The following PDS5A variants were observed in gnomAD, a reference collection of about 807,000 sequenced individuals.
The protein encoded by PDS5A is PDS5 cohesin associated factor A.
In PDS5A, 42 loss-of-function variants were observed where a neutral mutation model predicts 167.1. The ratio of observed to expected loss-of-function variants is 0.25; its 90% CI spans 0.20 to 0.33. PDS5A has a LOEUF of 0.33. PDS5A is among the 10% of genes least tolerant of loss of function. The pLI, the probability that PDS5A is intolerant of heterozygous loss-of-function variation, is 1.00. For synonymous variants in PDS5A, 553 were observed against 554.6 expected, an observed-to-expected ratio of 1.00 and a Z score of 0.04; for missense variants, 1,033 against 1,605.9, an observed-to-expected ratio of 0.64 and a Z score of 6.10.
At chr4:39,922,788 G>A in intron 5 of PDS5A, 40 bp from the exon 6 acceptor site, 2 of 1,366,968 alleles carry the variant, frequency 1.5e-6, no homozygotes, top group African/African-American at 1.5e-5. Flanking sequence ...GTAGGAGGAG[G>A]AAAAGAAGAG....
chr4:39,893,857 C>A (rs2080473998), intron 16 of PDS5A, among the ~76,000 whole-genome samples: 1 of 152,222 alleles, frequency 6.6e-6, no homozygotes, highest in African/African-American at 2.4e-5. Context: ...CTTACCACTG[C>A]AAGTGCAGTA....
At chr4:39,935,115 G>A (rs1028697217) in intron 2 of PDS5A, among the ~76,000 whole-genome samples, 4 of 152,090 alleles carry the variant, frequency 2.6e-5, no homozygotes, top group East Asian at 1.9e-4. Flanking sequence ...GATTTTCTCC[G>A]CTGTGGTATT....
chr4:39,837,944 C>T lies in PDS5A; in HGVS notation c.3922G>A (p.Gly1308Ser), dbSNP rs755186328. The T allele has an allele frequency of 1.2e-6, 2 of 1,613,962 alleles. No individual in the cohort carries two copies. Among genetic ancestry groups the T allele is most frequent in the South Asian group, 1.1e-5 (1 of 91,078 alleles). Residue 1308 changes from glycine to serine, a missense_variant, in exon 32 of 33, where the codon GGT becomes AGT. Around this residue, in one of 4 missense-constraint regions of PDS5A, gnomAD observed 233 missense variants for 264.0 expected, o/e 0.88. Transcript: ENST00000303538. ...GCTTTGGCATTACCTGCTTCCAAAC[C>T]CCCAGGGCTCTCCTGACCCACTGCA... The part of the protein sequence containing the change: ...RAAVGQESPG[G>S]LEAGNAKAPK...
intron 30 of PDS5A, among the ~76,000 whole-genome samples, chr4:39,843,037 G>C (rs1048912172): frequency 1.3e-5 from 2 of 149,390 alleles, no homozygotes; most frequent in Non-Finnish European, 3.0e-5. Flanking sequence ...TCCGCCTCCT[G>C]AGCTCCCAAG....
intron 11 of PDS5A, among the ~76,000 whole-genome samples, chr4:39,907,403 G>C (rs1341440210): frequency 1.3e-5 from 2 of 152,110 alleles, no homozygotes; most frequent in South Asian, 4.2e-4. Flanking sequence ...ATTTGCAGAC[G>C]AAAGTAATTT....
intron 2 of PDS5A, among the ~76,000 whole-genome samples, chr4:39,970,129 C>T (rs375008925): frequency 2.6e-5 from 4 of 151,912 alleles, no homozygotes; most frequent in Admixed American, 6.5e-5. Context: ...GGATTACAGG[C>T]GTGAGCCACC....
intron 21 of PDS5A, among the ~76,000 whole-genome samples, chr4:39,870,057 T>A (rs903348302): frequency 6.6e-6 from 1 of 151,902 alleles, no homozygotes; most frequent in African/African-American, 2.4e-5. Context: ...TGCAGTGAGC[T>A]GACATTGCGC....
At chr4:39,939,652 G>A (rs1727034359) in intron 2 of PDS5A, among the ~76,000 whole-genome samples, 2 of 151,968 alleles carry the variant, frequency 1.3e-5, no homozygotes, top group Non-Finnish European at 2.9e-5. Flanking sequence ...CAATTAGTCA[G>A]GCATGGTGGC....
At chr4:39,930,247 G>GA (rs1725914090) in intron 2 of PDS5A, among the ~76,000 whole-genome samples, 2 of 61,948 alleles carry the variant, frequency 3.2e-5, no homozygotes, top group African/African-American at 1.1e-4. Flanking sequence ...AAAAAAAAAA[G>GA]TTTTTTTGTT....
chr4:39,927,346 G>A (rs1385334831), intron 3 of PDS5A, among the ~76,000 whole-genome samples: 1 of 152,106 alleles, frequency 6.6e-6, no homozygotes, highest in African/African-American at 2.4e-5. Context: ...GATTCATGAT[G>A]GTAGTCTTTC....
chr4:39,951,844 G>A (rs12640846), intron 2 of PDS5A, among the ~76,000 whole-genome samples: 52,027 of 146,354 alleles, frequency 0.36, 9,350 homozygotes, highest in Middle Eastern at 0.45. Flanking sequence ...AGGTTACAGT[G>A]AGCCAAGATC....
chr4:39,887,946 A>G (rs987020940), intron 17 of PDS5A, among the ~76,000 whole-genome samples: 4 of 152,324 alleles, frequency 2.6e-5, no homozygotes, highest in South Asian at 2.1e-4. Flanking sequence ...ATACAAAAAA[A>G]TCCAATTTAA....
At chr4:39,846,813 G>A (rs1717646761) in intron 28 of PDS5A, 1 of 152,162 alleles carries the variant, frequency 6.6e-6, no homozygotes, top group African/African-American at 2.4e-5. Flanking sequence ...CTTCACAGAA[G>A]TAGGAAAGAA....
intron 6 of PDS5A, among the ~76,000 whole-genome samples, chr4:39,922,228 GA>G (rs1190036027): frequency 6.6e-6 from 1 of 152,130 alleles, no homozygotes; most frequent in Admixed American, 6.5e-5. Flanking sequence ...GAGTACCTAA[GA>G]AAAAGGTACG....
rs1260073864 is a variant in PDS5A at position 39,908,469 on chromosome 4, C to G, written c.1159G>C (p.Ala387Pro). 6.2e-7 allele frequency: 1 copy of G among 1,603,768 alleles called. No individual in the cohort carries two copies. Among genetic ancestry groups the G allele is most frequent in the Non-Finnish European group, 8.5e-7 (1 of 1,170,674 alleles). ...RHDVIVTIIT[A>P]AKRDLALVND... Reference sequence around the variant, plus strand: ...ACTAAGGCCAGGTCCCTCTTGGCAGCTGTTATTATAGTAACAATGACATCA... The same window carrying G: ...ACTAAGGCCAGGTCCCTCTTGGCAGGTGTTATTATAGTAACAATGACATCA... Residue 387 changes from alanine (A) to proline (P), a missense_variant, in exon 11 of 33, where the codon GCT becomes CCT. Coordinates refer to ENST00000303538, the MANE Select transcript of PDS5A (RefSeq NM_001100399.2).
chr4:39,839,964 C>T (rs372592342), intron 31 of PDS5A, among the ~76,000 whole-genome samples: 2 of 150,890 alleles, frequency 1.3e-5, no homozygotes, highest in East Asian at 2.0e-4. Context: ...CATGGTGGTG[C>T]GTGCCTGTAA....
intron 2 of PDS5A, among the ~76,000 whole-genome samples, chr4:39,949,798 C>G (rs746057466): frequency 2.4e-4 from 22 of 90,940 alleles, no homozygotes; most frequent in Non-Finnish European, 4.2e-4. Flanking sequence ...CCAGCCAGGG[C>G]GACAGAATAA....
intron 18 of PDS5A, 38 bp downstream of exon 18, chr4:39,879,690 C>T (rs1357256438): frequency 8.1e-7 from 1 of 1,229,256 alleles, no homozygotes; most frequent in Non-Finnish European, 1.2e-6. Context: ...ATTATGACCC[C>T]ACGGAAATAC....
At chr4:39,894,767 T>C (rs961702293) in intron 16 of PDS5A, among the ~76,000 whole-genome samples, 14 of 152,222 alleles carry the variant, frequency 9.2e-5, no homozygotes, top group African/African-American at 3.4e-4. Flanking sequence ...TCTATAAGCC[T>C]GGTCCCAAGC....
Sources: gnomAD v4.1 joint callset for allele counts (sites outside exome capture counted in the v4.1 genomes callset) on GRCh38, gnomAD v4.1.1 for gene constraint, gnomAD v4.1.1 regional missense constraint, MANE v1.5 for transcripts, NCBI Gene and HGNC (gene_info 2026-07-23, HGNC 2026-07-21) for gene names.